The following ARAP2 variants were observed in gnomAD, a reference collection of about 807,000 sequenced individuals.
ARAP2 encodes arf-GAP with Rho-GAP domain, ANK repeat and PH domain-containing protein 2.
In ARAP2, 148 loss-of-function variants were observed where a neutral mutation model predicts 194.5. That is an observed-to-expected ratio of 0.76 (90% CI 0.67 to 0.87). ARAP2 has a LOEUF of 0.87. ARAP2 is among the 40% of genes least tolerant of loss of function. The pLI, the probability that ARAP2 is intolerant of heterozygous loss-of-function variation, is 0.00. For missense variants in ARAP2, 2,128 were observed against 1,989.7 expected (o/e 1.07, Z -1.32); for synonymous variants, 695 against 683.5 (o/e 1.02, Z -0.26).
At chr4:36,069,979 G>GCTTCC in intron 32 of ARAP2, among the ~76,000 whole-genome samples, 1 of 152,188 alleles carries the variant, frequency 6.6e-6, no homozygotes, top group East Asian at 1.9e-4. Context: ...AGATGTGCCT[G>GCTTCC]CTTCCCCTTT....
At chr4:36,222,779 T>C (rs1389408036) in intron 2 of ARAP2, among the ~76,000 whole-genome samples, 2 of 152,140 alleles carry the variant, frequency 1.3e-5, no homozygotes, top group Non-Finnish European at 2.9e-5. Flanking sequence ...TGCATACTCT[T>C]ATGTATGTTT....
At position 36,068,211 on chromosome 4, in the gene ARAP2, C is replaced by T. The variant is rs747693293; in HGVS notation, c.4811G>A (p.Ser1604Asn). Residue 1604 changes from serine to asparagine, a missense_variant, in exon 33 of 33, where the codon AGC becomes AAC. By Grantham distance (46) the Ser-to-Asn change is conservative. Coordinates refer to ENST00000303965, the MANE Select transcript of ARAP2 (RefSeq NM_015230.4). ...EKCDKESVDS[S>N]LKERASMVAH... ...CACCATGGAAGCTCTCTCCTTTAAG[C>T]TAGAGTCCACGGACTCTTTATCACA... The T allele has an allele frequency of 1.1e-5, 18 of 1,612,324 alleles. No homozygotes were observed. In the Admixed American group the frequency reaches 3.0e-4, roughly 27 times the overall value.
chr4:36,131,819 C>T (rs1429122438), intron 20 of ARAP2, among the ~76,000 whole-genome samples: 1 of 151,750 alleles, frequency 6.6e-6, no homozygotes, highest in Non-Finnish European at 1.5e-5. Context: ...AATGTACTAA[C>T]ACTGAGTGAC....
At chr4:36,218,133 G>A (rs1028046312) in intron 2 of ARAP2, among the ~76,000 whole-genome samples, 46 of 152,184 alleles carry the variant, frequency 3.0e-4, no homozygotes, top group African/African-American at 1.1e-3. Context: ...ACAGACTATT[G>A]AACTAGAATT....
intron 28 of ARAP2, among the ~76,000 whole-genome samples, chr4:36,084,210 T>C (rs1730283308): frequency 1.3e-5 from 2 of 152,076 alleles, no homozygotes; most frequent in African/African-American, 2.4e-5. Context: ...TAGGAGTCAA[T>C]ATCCCTTCAT....
intron 25 of ARAP2, 99 bp downstream of exon 25, chr4:36,116,962 G>A (rs1323251386): frequency 3.0e-6 from 2 of 674,560 alleles, no homozygotes; most frequent in Non-Finnish European, 4.5e-6. Context: ...AACTGGAGAG[G>A]TAATATAAAA....
chr4:36,046,973 A>G (rs1721932210), intron 3 of ARAP2: 1 of 152,236 alleles, frequency 6.6e-6, no homozygotes, highest in African/African-American at 2.4e-5. Context: ...CATGGTCAAG[A>G]AGCATATATT....
chr4:36,061,883 T>G (rs1235357820), downstream of ARAP2, among the ~76,000 whole-genome samples: 1 of 152,190 alleles, frequency 6.6e-6, no homozygotes, highest in Non-Finnish European at 1.5e-5. Flanking sequence ...AGTTTTGATT[T>G]GCATTTTTCT....
chr4:36,142,653 C>T (rs1728620849), intron 19 of ARAP2, among the ~76,000 whole-genome samples: 1 of 151,518 alleles, frequency 6.6e-6, no homozygotes, highest in Admixed American at 6.6e-5. Context: ...CACCCTCTTC[C>T]TGGGCTTTGT....
intron 5 of ARAP2, among the ~76,000 whole-genome samples, chr4:36,040,749 G>A (rs1271623873): frequency 2.0e-5 from 3 of 152,114 alleles, no homozygotes; most frequent in East Asian, 1.9e-4. Flanking sequence ...TCGAGAGTAC[G>A]GGGTTTCTAG....
At chr4:36,122,747 G>C (rs187607509) in intron 22 of ARAP2, among the ~76,000 whole-genome samples, 2 of 151,502 alleles carry the variant, frequency 1.3e-5, no homozygotes, top group Admixed American at 1.3e-4. Flanking sequence ...CTGTACCCCT[G>C]AACTTAAAAG....
In ARAP2 at chr4:36,226,514, C is replaced by G. The variant is rs538844831; in HGVS notation, c.905+2068G>C. 2.0e-5 allele frequency among the ~76,000 whole-genome samples: 3 copies of G among 151,936 alleles called. No homozygotes were observed. The East Asian group carries it at 5.8e-4, about 29-fold the overall frequency. On this transcript the variant is annotated intron_variant, in intron 2 of 32. Coordinates refer to ENST00000303965, the MANE Select transcript of ARAP2 (RefSeq NM_015230.4). The stretch of plus-strand genomic sequence containing the variant: ...TAAAAAAACGTATCTTTTAAGCCCC[C>G]CCCCACATAATTTAGTTGGTTTTTC...
chr4:36,229,256 A>G lies in ARAP2; in HGVS notation c.231T>C (p.Tyr77=). 6.2e-7 allele frequency: 1 copy of G among 1,614,048 alleles called. No individual in the cohort carries two copies. Among genetic ancestry groups the G allele is most frequent in the Non-Finnish European group, 8.5e-7 (1 of 1,179,950 alleles). ...TCTTCTTAGTTTTATGAACATTTGCATATATTGGAATATCTTGCATTTTTG... is the reference window on the plus strand; with the variant it reads ...TCTTCTTAGTTTTATGAACATTTGCGTATATTGGAATATCTTGCATTTTTG... ...ILSKMQDIPI[Y]ANVHKTKKND... Residue 77 remains tyrosine (Y), a synonymous_variant, in exon 2 of 33, where the codon TAT becomes TAC. Coordinates refer to ENST00000303965, the MANE Select transcript of ARAP2 (RefSeq NM_015230.4).
intron 1 of ARAP2, among the ~76,000 whole-genome samples, chr4:36,234,472 C>CG (rs1303648416): frequency 1.3e-5 from 2 of 152,058 alleles, no homozygotes; most frequent in Non-Finnish European, 2.9e-5. Context: ...AAATCGGGAG[C>CG]GGGGGGTGGG....
chr4:36,080,308 AT>A, intron 30 of ARAP2, 29 bp from the exon 31 acceptor site: 1 of 1,572,632 alleles, frequency 6.4e-7, no homozygotes, highest in Non-Finnish European at 8.7e-7. Context: ...AAACTATGTC[AT>A]TCAAAAAGAC....
chr4:36,235,683 G>A (rs1448599116), intron 1 of ARAP2, among the ~76,000 whole-genome samples: 1 of 152,210 alleles, frequency 6.6e-6, no homozygotes, highest in African/African-American at 2.4e-5. Flanking sequence ...GCTTTGTGAT[G>A]AGAAGTGGAA....
chr4:36,186,601 G>A (rs1434619815), intron 8 of ARAP2, among the ~76,000 whole-genome samples: 1 of 152,224 alleles, frequency 6.6e-6, no homozygotes, highest in Non-Finnish European at 1.5e-5. Context: ...TGAGCAGCAG[G>A]CGAGCCAGTG....
intron 29 of ARAP2, among the ~76,000 whole-genome samples, chr4:36,082,749 A>C (rs1403753946): frequency 6.6e-6 from 1 of 152,176 alleles, no homozygotes; most frequent in Non-Finnish European, 1.5e-5. Flanking sequence ...CATGATACTA[A>C]GTATTAGTGC....
chr4:36,189,446 T>C (rs4490479), intron 7 of ARAP2, among the ~76,000 whole-genome samples: 1 of 152,120 alleles, frequency 6.6e-6, no homozygotes, highest in African/African-American at 2.4e-5. Flanking sequence ...TATTTGAAAC[T>C]ATATTAAATT....
Sources: gnomAD v4.1 joint callset for allele counts (sites outside exome capture counted in the v4.1 genomes callset) on GRCh38, gnomAD v4.1.1 for gene constraint, MANE v1.5 for transcripts, NCBI Gene and HGNC (gene_info 2026-07-23, HGNC 2026-07-21) for gene names.